Variants in SCHIP1 observed in about 807,000 individuals in gnomAD.
SCHIP1 encodes schwannomin interacting protein 1, also known as schwannomin-interacting protein 1.
Under a neutral mutation model 29.7 loss-of-function variants are expected in SCHIP1, and 8 were observed. That is an observed-to-expected ratio of 0.27 (90% CI 0.16 to 0.49). The LOEUF is 0.49. Among genes scored for constraint, SCHIP1 ranks in the 20% least tolerant of loss-of-function variants. The pLI, the probability that SCHIP1 is intolerant of heterozygous loss-of-function variation, is 0.99. For missense variants in SCHIP1, 193 were observed against 294.6 expected (o/e 0.66, Z 2.52); for synonymous variants, 76 against 94.9 (o/e 0.80, Z 1.16).
the SCHIP1 span, among the ~76,000 whole-genome samples, chr3:159,715,877 T>C: frequency 6.6e-6 from 1 of 152,160 alleles, no homozygotes; most frequent in African/African-American, 2.4e-5. Context: ...AGGCCAACAT[T>C]CAAATTCAGG....
chr3:159,721,117 T>C, the SCHIP1 span, among the ~76,000 whole-genome samples: 1 of 152,202 alleles, frequency 6.6e-6, no homozygotes, highest in Non-Finnish European at 1.5e-5. Context: ...GAAGGATCGA[T>C]TTCTGAACCC....
the SCHIP1 span, among the ~76,000 whole-genome samples, chr3:159,652,663 G>C: frequency 3.3e-5 from 5 of 152,078 alleles, no homozygotes; most frequent in African/African-American, 4.8e-5. Flanking sequence ...GGTGGGGAGG[G>C]GTGTGCAATG....
the SCHIP1 span, among the ~76,000 whole-genome samples, chr3:159,750,253 A>G: frequency 3.7e-4 from 12 of 32,480 alleles, no homozygotes; most frequent in East Asian, 3.1e-3. Context: ...ATAGGTGTGT[A>G]TGTGTGTGTG....
the SCHIP1 span, among the ~76,000 whole-genome samples, chr3:159,682,463 A>G: frequency 2.5e-4 from 38 of 152,338 alleles, 1 homozygote; most frequent in African/African-American, 9.1e-4. Context: ...TATTGGGTAC[A>G]GTGATATCAG....
chr3:159,764,504 G>T, the SCHIP1 span: 1 of 1,587,140 alleles, frequency 6.3e-7, no homozygotes, highest in Non-Finnish European at 8.6e-7. The surrounding 1 kb of genome is among the most constrained non-coding windows in gnomAD (Gnocchi z 6.1). Flanking sequence ...AGCAGCAGCC[G>T]CGCCAGTTCA....
At chr3:159,575,977 C>T in the SCHIP1 span, among the ~76,000 whole-genome samples, 1 of 152,102 alleles carries the variant, frequency 6.6e-6, no homozygotes, top group African/African-American at 2.4e-5. Context: ...TCTCATATTT[C>T]AATGTGTTCT....
At chr3:159,713,330 A>G in the SCHIP1 span, among the ~76,000 whole-genome samples, 4 of 152,194 alleles carry the variant, frequency 2.6e-5, no homozygotes, top group Non-Finnish European at 4.4e-5. Context: ...CTTTGAACAG[A>G]TTCAGCTTCA....
chr3:159,859,041 G>A (rs1300289242), intron 1 of SCHIP1, among the ~76,000 whole-genome samples: 3 of 152,164 alleles, frequency 2.0e-5, no homozygotes, highest in Admixed American at 6.5e-5. Flanking sequence ...CTTACTATCC[G>A]TTCAGTGATG....
chr3:159,632,035 AT>A, the SCHIP1 span, among the ~76,000 whole-genome samples: 4 of 152,166 alleles, frequency 2.6e-5, no homozygotes, highest in Non-Finnish European at 5.9e-5. Context: ...ACAAAAAAAA[AT>A]ATGGTAAGAT....
the SCHIP1 span, among the ~76,000 whole-genome samples, chr3:159,410,881 C>T: frequency 7.4e-5 from 11 of 147,898 alleles, no homozygotes; most frequent in Admixed American, 2.0e-4. Context: ...CATAAATGTC[C>T]ATCACTAGAT....
intron 3 of SCHIP1, chr3:159,887,505 C>G (rs988663894): frequency 6.7e-6 from 4 of 594,296 alleles, no homozygotes; most frequent in Non-Finnish European, 1.2e-5. Context: ...AACTATACTG[C>G]TCTCTCTGTT....
chr3:159,417,703 G>A, the SCHIP1 span, among the ~76,000 whole-genome samples: 1 of 152,142 alleles, frequency 6.6e-6, no homozygotes, highest in Non-Finnish European at 1.5e-5. Context: ...TCCTACCATG[G>A]GTAGTTGACC....
chr3:159,494,997 G>T, the SCHIP1 span, among the ~76,000 whole-genome samples: 1 of 152,098 alleles, frequency 6.6e-6, no homozygotes, highest in Non-Finnish European at 1.5e-5. Context: ...CAGAACCAAT[G>T]ACAAAAACCA....
the SCHIP1 span, among the ~76,000 whole-genome samples, chr3:159,361,023 A>G: frequency 6.6e-6 from 1 of 152,292 alleles, no homozygotes; most frequent in Non-Finnish European, 1.5e-5. Flanking sequence ...TGTGCCAGAC[A>G]CCATTCTTGA....
At chr3:159,287,663 C>A in the SCHIP1 span, among the ~76,000 whole-genome samples, 4 of 152,094 alleles carry the variant, frequency 2.6e-5, no homozygotes, top group Non-Finnish European at 1.5e-5. Flanking sequence ...TCCTTTAAGT[C>A]CTTTTATAAT....
At chr3:159,352,486 T>C in the SCHIP1 span, among the ~76,000 whole-genome samples, 1 of 152,188 alleles carries the variant, frequency 6.6e-6, no homozygotes, top group African/African-American at 2.4e-5. Flanking sequence ...CATAACTATA[T>C]CACAAAATCA....
At chr3:159,822,076 T>A in the SCHIP1 span, among the ~76,000 whole-genome samples, 2 of 152,250 alleles carry the variant, frequency 1.3e-5, no homozygotes, top group African/African-American at 2.4e-5. Context: ...TTCCATTTAA[T>A]GTTTTTGGAA....
the SCHIP1 span, among the ~76,000 whole-genome samples, chr3:159,656,640 AC>A: frequency 6.6e-6 from 1 of 152,258 alleles, no homozygotes; most frequent in East Asian, 1.9e-4. Context: ...ATTACGTGGT[AC>A]CCACCTTATA....
At chr3:159,718,984 A>G in the SCHIP1 span, among the ~76,000 whole-genome samples, 1 of 152,204 alleles carries the variant, frequency 6.6e-6, no homozygotes, top group Non-Finnish European at 1.5e-5. Flanking sequence ...TTCAAACTAT[A>G]CTACAAGCCT....
Sources: gnomAD v4.1 joint callset for allele counts (sites outside exome capture counted in the v4.1 genomes callset) on GRCh38, gnomAD v4.1.1 for gene constraint, Gnocchi (gnomAD v3.1) non-coding constraint, MANE v1.5 for transcripts, NCBI Gene and HGNC (gene_info 2026-07-23, HGNC 2026-07-21) for gene names.